The following CDH13 variants were observed in gnomAD, a reference collection of about 807,000 sequenced individuals.
CDH13 encodes the protein cadherin 13, also known as cadherin-13.
A neutral mutation model predicts 63.8 loss-of-function variants in CDH13; 24 were observed. The observed-to-expected ratio is 0.38, with a 90% CI of 0.27 to 0.53. The LOEUF (loss-of-function observed/expected upper bound fraction) is 0.53. Ranked by LOEUF, CDH13 falls within the 20% of genes least tolerant of loss-of-function variation. CDH13 has a pLI of 0.85. For synonymous variants in CDH13, 503 were observed against 355.3 expected, an observed-to-expected ratio of 1.42 and a Z score of -4.67; for missense variants, 1,049 against 903.1, an observed-to-expected ratio of 1.16 and a Z score of -2.07.
intron 2 of CDH13, among the ~76,000 whole-genome samples, chr16:82,866,037 A>G (rs1222552883): frequency 1.3e-5 from 2 of 152,224 alleles, no homozygotes. Context: ...TCACTAGGGC[A>G]GGGGCAAAAT....
At chr16:83,151,991 T>G (rs2037002095) in intron 4 of CDH13, among the ~76,000 whole-genome samples, 1 of 150,926 alleles carries the variant, frequency 6.6e-6, no homozygotes. Context: ...AATCACTAAG[T>G]AGCCTTTTGC....
chr16:83,474,573 G>C (rs2073551701), intron 6 of CDH13, among the ~76,000 whole-genome samples: 1 of 152,116 alleles, frequency 6.6e-6, no homozygotes, highest in Non-Finnish European at 1.5e-5. Context: ...CATCTGGTGG[G>C]TCCCACCAGA....
intron 8 of CDH13, among the ~76,000 whole-genome samples, chr16:83,621,487 T>TTTTC: frequency 8.3e-6 from 1 of 120,308 alleles, no homozygotes; most frequent in East Asian, 2.6e-4. Flanking sequence ...TTTTTTTTTT[T>TTTTC]TTTTTTTTTT....
At chr16:82,945,566 A>C (rs1845865507) in intron 2 of CDH13, among the ~76,000 whole-genome samples, 1 of 152,168 alleles carries the variant, frequency 6.6e-6, no homozygotes, top group African/African-American at 2.4e-5. Flanking sequence ...TGTGGTGCAT[A>C]TCAAGGATTT....
chr16:83,263,952 C>G (rs1477615980), intron 5 of CDH13, among the ~76,000 whole-genome samples: 1 of 152,190 alleles, frequency 6.6e-6, no homozygotes, highest in Non-Finnish European at 1.5e-5. Flanking sequence ...TTTAACACTT[C>G]AGAAAATTTT....
Position 83,798,824 on chromosome 16 carries a change from T to C in CDH13, c.*3794T>C, listed in dbSNP as rs1016865635. The stretch of plus-strand genomic sequence containing the variant: ...TACTAACAGTATCTTCTGTTACCTA[T>C]TATTAAGTTCATGCTATACTTCTTC... On this transcript the variant is annotated 3_prime_UTR_variant, in exon 14 of 14. Coordinates refer to ENST00000567109, the MANE Select transcript of CDH13 (RefSeq NM_001257.5). The C allele has an allele frequency of 1.3e-5, 2 of 152,138 alleles. No homozygotes were observed. The highest frequency in any genetic ancestry group is 1.3e-4 in the Admixed American group (2 of 15,266). 9.4% of individuals were successfully genotyped at this position (152,138 alleles called of 1,614,324 possible).
At chr16:83,136,995 T>C (rs1310616167) in intron 4 of CDH13, among the ~76,000 whole-genome samples, 2 of 152,192 alleles carry the variant, frequency 1.3e-5, no homozygotes, top group Non-Finnish European at 2.9e-5. Flanking sequence ...TGGACTTCCA[T>C]GAAGGAGTAG....
chr16:82,996,537 C>T (rs1006690191), intron 2 of CDH13, among the ~76,000 whole-genome samples: 15 of 152,156 alleles, frequency 9.9e-5, no homozygotes, highest in Admixed American at 9.8e-4. Flanking sequence ...GCTGCAGAGT[C>T]AGGTGATACA....
rs566306922 is a variant in CDH13, at chr16:82,725,863, C to T, written c.45+98726C>T. Among the ~76,000 whole-genome samples the T allele has an allele frequency of 2.0e-5, 3 of 152,272 alleles. No homozygotes were observed. In the East Asian group the frequency reaches 5.8e-4, roughly 29 times the overall value. ...TAACTCATTAACCAGATAATTATTG[C>T]AGTTCTCCAGTTACCTTTCTGTTCA... On this transcript the variant is annotated intron_variant, in intron 1 of 13. Coordinates refer to ENST00000567109, the MANE Select transcript of CDH13 (RefSeq NM_001257.5).
At chr16:82,704,707 A>G (rs2031339683) in intron 1 of CDH13, among the ~76,000 whole-genome samples, 1 of 152,234 alleles carries the variant, frequency 6.6e-6, no homozygotes, top group Non-Finnish European at 1.5e-5. Context: ...AGCTAAGGAT[A>G]TGCCGTCAAA....
chr16:82,906,627 T>A (rs906708389), intron 2 of CDH13, among the ~76,000 whole-genome samples: 1 of 152,010 alleles, frequency 6.6e-6, no homozygotes, highest in African/African-American at 2.4e-5. Flanking sequence ...AGAGCTGGAG[T>A]AACAGATTAC....
In CDH13 at chr16:83,736,305, C is replaced by T. The variant is rs184254713; in HGVS notation, c.1539-11803C>T. On this transcript the variant is annotated intron_variant, in intron 10 of 13. Coordinates refer to ENST00000567109, the MANE Select transcript of CDH13 (RefSeq NM_001257.5). ...AAGTGTATTTCTGGATTTCAGAAAT[C>T]GGATAGCTTCTGAAGTCTCAGCCTG... 9.6e-4 allele frequency among the ~76,000 whole-genome samples: 146 copies of T among 152,258 alleles called. 1 individual carries two copies. Among genetic ancestry groups the T allele is most frequent in the Admixed American group, 8.2e-3 (125 of 15,296 alleles).
At chr16:83,769,020 C>G (rs1445216511) in intron 11 of CDH13, among the ~76,000 whole-genome samples, 1 of 152,172 alleles carries the variant, frequency 6.6e-6, no homozygotes, top group Non-Finnish European at 1.5e-5. Flanking sequence ...ACCTTGACCA[C>G]AGGGTCACAG....
intron 5 of CDH13, among the ~76,000 whole-genome samples, chr16:83,341,241 T>C (rs910734886): frequency 6.6e-6 from 1 of 152,210 alleles, no homozygotes; most frequent in Non-Finnish European, 1.5e-5. Flanking sequence ...TTGTGTGCTT[T>C]GGGTATTTCA....
At position 83,488,825 on chromosome 16, in the gene CDH13, A is replaced by G. The variant is rs530634588; in HGVS notation, c.960+2170A>G. On this transcript the variant is annotated intron_variant, in intron 7 of 13. Coordinates refer to ENST00000567109, the MANE Select transcript of CDH13 (RefSeq NM_001257.5). ...TTTTTAGTAGAGATGGGGTTTCACT[A>G]TATTGGTCAGGCTTGTCCCAAACTC... Among the ~76,000 whole-genome samples the G allele has an allele frequency of 2.2e-3, 335 of 152,166 alleles. 6 individuals carry two copies. The highest frequency in any genetic ancestry group is 3.8e-4 in the Non-Finnish European group (26 of 68,012).
chr16:82,970,276 G>A (rs1158251567), intron 2 of CDH13, among the ~76,000 whole-genome samples: 6 of 151,552 alleles, frequency 4.0e-5, no homozygotes, highest in Admixed American at 6.6e-5. Flanking sequence ...TTTTATGGCT[G>A]CATAGTATTC....
chr16:83,206,404 A>G, intron 4 of CDH13, among the ~76,000 whole-genome samples: 1 of 152,160 alleles, frequency 6.6e-6, no homozygotes, highest in East Asian at 1.9e-4. Flanking sequence ...GATCCACTGC[A>G]CACCTCCTCC....
chr16:83,419,518 A>G (rs17287186), intron 6 of CDH13, among the ~76,000 whole-genome samples: 11,937 of 152,294 alleles, frequency 0.078, 567 homozygotes, highest in Non-Finnish European at 0.11. Context: ...CTATAATGAT[A>G]GCCAACCAAG....
chr16:83,131,377 T>C (rs1933752436), intron 4 of CDH13, among the ~76,000 whole-genome samples: 1 of 152,170 alleles, frequency 6.6e-6, no homozygotes, highest in African/African-American at 2.4e-5. Flanking sequence ...ATACCTGTGA[T>C]TTTCTTTCCA....
Sources: allele counts gnomAD v4.1 joint callset (sites outside exome capture counted in the v4.1 genomes callset), GRCh38; gene constraint gnomAD v4.1.1; transcripts MANE v1.5; gene names NCBI Gene and HGNC (gene_info 2026-07-23, HGNC 2026-07-21).